Variants in CNTNAP2 observed in about 807,000 individuals in gnomAD.
The protein encoded by CNTNAP2 is contactin associated protein 2, also known as contactin-associated protein-like 2.
A neutral mutation model predicts 155.2 loss-of-function variants in CNTNAP2; 98 were observed. The observed-to-expected ratio is 0.63, with a 90% CI of 0.54 to 0.75. The LOEUF (loss-of-function observed/expected upper bound fraction) is 0.75. Ranked by LOEUF, CNTNAP2 falls within the 30% of genes least tolerant of loss-of-function variation. The pLI is 0.00. For missense variants in CNTNAP2, 1,727 were observed against 1,688.1 expected, an observed-to-expected ratio of 1.02 and a Z score of -0.40; for synonymous variants, 651 against 631.2, an observed-to-expected ratio of 1.03 and a Z score of -0.47.
chr7:147,636,909 C>T lies in CNTNAP2; in HGVS notation c.1898-2197C>T, dbSNP rs970301152. ...TAGAATAGGAAAGGAAAGGCTGGCA[C>T]TGGAAGAGAAGAAGGAGTGGGTCCT... On this transcript the variant is annotated intron_variant, in intron 12 of 23. Transcript: ENST00000361727. Among the ~76,000 whole-genome samples the T allele has an allele frequency of 8.5e-5, 13 of 152,172 alleles. No homozygotes were observed. The East Asian group carries it at 1.2e-3, about 14-fold the overall frequency.
chr7:146,966,098 G>T lies in CNTNAP2; in HGVS notation c.403-77809G>T, dbSNP rs565706140. ...GTGCTCCTTGAGCCTCTCTAGTTGG[G>T]TCTAATAATGGAAACGTAAATTATT... is the stretch of plus-strand genomic sequence containing the variant. On this transcript the variant is annotated intron_variant, in intron 3 of 23. Coordinates refer to ENST00000361727, the MANE Select transcript of CNTNAP2 (RefSeq NM_014141.6). Among the ~76,000 whole-genome samples the T allele has an allele frequency of 5.9e-5, 9 of 152,230 alleles. No individual in the cohort carries two copies. In the South Asian group the frequency reaches 1.0e-3, roughly 18 times the overall value.
chr7:148,093,187 T>TA (rs10553315), intron 15 of CNTNAP2, among the ~76,000 whole-genome samples: 14,567 of 145,294 alleles, frequency 0.1, 737 homozygotes, highest in South Asian at 0.19. Flanking sequence ...AGAGCTCTGC[T>TA]AAAAAAAAAA....
At chr7:147,313,253 G>A (rs1795158988) in intron 9 of CNTNAP2, among the ~76,000 whole-genome samples, 1 of 152,054 alleles carries the variant, frequency 6.6e-6, no homozygotes, top group Admixed American at 6.6e-5. Context: ...CTGTGCAGAA[G>A]CTCTTTAGTT....
intron 15 of CNTNAP2, among the ~76,000 whole-genome samples, chr7:148,092,973 ATCT>A (rs895519428): frequency 2.6e-5 from 4 of 151,824 alleles, no homozygotes; most frequent in East Asian, 1.9e-4. Flanking sequence ...AATCCCCCAC[ATCT>A]TCTTCTTCAG....
chr7:146,427,589 A>T (rs750219323), intron 1 of CNTNAP2, among the ~76,000 whole-genome samples: 4 of 152,168 alleles, frequency 2.6e-5, no homozygotes, highest in African/African-American at 4.8e-5. Context: ...TACTGTGTTG[A>T]TCCTGGATCT....
intron 3 of CNTNAP2, among the ~76,000 whole-genome samples, chr7:146,980,955 T>C (rs1420189779): frequency 6.6e-6 from 1 of 152,170 alleles, no homozygotes; most frequent in African/African-American, 2.4e-5. Context: ...AACTGCTTTT[T>C]CTACCCCTTA....
At chr7:147,214,177 C>T (rs898577948) in intron 8 of CNTNAP2, among the ~76,000 whole-genome samples, 2 of 152,060 alleles carry the variant, frequency 1.3e-5, no homozygotes, top group African/African-American at 4.8e-5. Context: ...TTACCTTTAC[C>T]CACTCACATA....
intron 10 of CNTNAP2, among the ~76,000 whole-genome samples, chr7:147,419,734 T>C (rs1797257319): frequency 6.6e-6 from 1 of 152,188 alleles, no homozygotes; most frequent in Non-Finnish European, 1.5e-5. Flanking sequence ...CTTAGTATAT[T>C]ACCAACATTA....
At chr7:147,393,153 T>C (rs1449935762) in intron 9 of CNTNAP2, among the ~76,000 whole-genome samples, 1 of 152,012 alleles carries the variant, frequency 6.6e-6, no homozygotes, top group Non-Finnish European at 1.5e-5. Context: ...GAGCCAAAGA[T>C]TAACGATGTC....
chr7:146,571,734 CT>C (rs376437154), intron 1 of CNTNAP2, among the ~76,000 whole-genome samples: 2,914 of 137,548 alleles, frequency 0.021, 25 homozygotes, highest in East Asian at 0.039. Context: ...TCTTTTCTTT[CT>C]TTTTTTTTTT....
intron 4 of CNTNAP2, among the ~76,000 whole-genome samples, chr7:147,062,194 A>T (rs1799697012): frequency 6.7e-6 from 1 of 149,902 alleles, no homozygotes; most frequent in South Asian, 2.1e-4. Context: ...ATATATATAA[A>T]ATTAAAACCA....
At chr7:147,624,120 G>T (rs918034574) in intron 12 of CNTNAP2, among the ~76,000 whole-genome samples, 2 of 151,926 alleles carry the variant, frequency 1.3e-5, no homozygotes, top group East Asian at 1.9e-4. Flanking sequence ...TCAAAATAAA[G>T]ACTTAAAGCA....
intron 3 of CNTNAP2, among the ~76,000 whole-genome samples, chr7:146,851,207 A>G (rs1247118327): frequency 6.6e-6 from 1 of 151,886 alleles, no homozygotes. Context: ...CTGGTCTCGA[A>G]CTCCTGACCT....
intron 1 of CNTNAP2, among the ~76,000 whole-genome samples, chr7:146,638,987 T>G (rs114921571): frequency 0.023 from 3,460 of 152,262 alleles, 128 homozygotes; most frequent in African/African-American, 0.079. Flanking sequence ...ATTGTAACAC[T>G]ATGGTAAGTA....
chr7:147,386,022 T>A (rs1466563115), intron 9 of CNTNAP2, among the ~76,000 whole-genome samples: 1 of 152,194 alleles, frequency 6.6e-6, no homozygotes, highest in African/African-American at 2.4e-5. Context: ...CAATACCACA[T>A]GGAAGCTGCC....
chr7:148,176,748 G>A (rs1477134071), intron 18 of CNTNAP2, among the ~76,000 whole-genome samples: 1 of 152,138 alleles, frequency 6.6e-6, no homozygotes, highest in Non-Finnish European at 1.5e-5. Flanking sequence ...TCATCAATGA[G>A]GAGCAGTTTA....
intron 1 of CNTNAP2, among the ~76,000 whole-genome samples, chr7:146,214,782 C>T (rs1799088708): frequency 6.6e-6 from 1 of 151,852 alleles, no homozygotes; most frequent in Non-Finnish European, 1.5e-5. Flanking sequence ...CAACAATAAC[C>T]CCAGAAAAAT....
chr7:147,964,146 T>C (rs752814090), intron 14 of CNTNAP2, among the ~76,000 whole-genome samples: 1 of 152,078 alleles, frequency 6.6e-6, no homozygotes, highest in Non-Finnish European at 1.5e-5. Context: ...TTCTCCACTT[T>C]AGTTCATGGA....
intron 1 of CNTNAP2, among the ~76,000 whole-genome samples, chr7:146,719,550 A>G (rs1801249229): frequency 1.3e-5 from 2 of 152,132 alleles, no homozygotes; most frequent in South Asian, 4.1e-4. Context: ...TTTTGCTTGC[A>G]CTGTGGTTTT....
Sources: allele counts gnomAD v4.1 joint callset (sites outside exome capture counted in the v4.1 genomes callset), GRCh38; gene constraint gnomAD v4.1.1; transcripts MANE v1.5; gene names NCBI Gene and HGNC (gene_info 2026-07-23, HGNC 2026-07-21).